Variants in KCNH7 observed in about 807,000 individuals in gnomAD.
The protein encoded by KCNH7 is potassium voltage-gated channel subfamily H member 7.
In KCNH7, 49 loss-of-function variants were observed where a neutral mutation model predicts 120.8. The ratio of observed to expected loss-of-function variants is 0.41; its 90% confidence interval spans 0.32 to 0.51. KCNH7 has a LOEUF of 0.51. Among genes scored for constraint, KCNH7 ranks in the 20% least tolerant of loss-of-function variants. The pLI, the probability that KCNH7 is intolerant of heterozygous loss-of-function variation, is 0.38. For missense variants in KCNH7, 1,097 were observed against 1,446.6 expected (o/e 0.76, Z 3.92); for synonymous variants, 547 against 516.1 (o/e 1.06, Z -0.81).
chr2:162,729,200 C>G (rs1459012276), intron 2 of KCNH7, among the ~76,000 whole-genome samples: 6 of 138,314 alleles, frequency 4.3e-5, no homozygotes, highest in Non-Finnish European at 9.1e-5. Context: ...GAGTCTCGCT[C>G]TCTCGCCCAG....
intron 2 of KCNH7, among the ~76,000 whole-genome samples, chr2:162,548,469 AG>A (rs1323380759): frequency 6.6e-6 from 1 of 152,148 alleles, no homozygotes; most frequent in African/African-American, 2.4e-5. Context: ...TACACATATT[AG>A]GCTTCAGGAC....
intron 2 of KCNH7, among the ~76,000 whole-genome samples, chr2:162,739,769 A>T (rs1386436044): frequency 6.6e-6 from 1 of 152,122 alleles, no homozygotes; most frequent in East Asian, 1.9e-4. Flanking sequence ...CTCCTATCTG[A>T]TTCTACTATG....
intron 2 of KCNH7, among the ~76,000 whole-genome samples, chr2:162,793,756 A>G (rs1684039716): frequency 6.6e-6 from 1 of 151,972 alleles, no homozygotes; most frequent in East Asian, 1.9e-4. Context: ...TGTTGGTCAA[A>G]TGGTAGAAAG....
intron 5 of KCNH7, among the ~76,000 whole-genome samples, chr2:162,510,365 C>G (rs1691029366): frequency 1.3e-5 from 2 of 151,534 alleles, no homozygotes; most frequent in South Asian, 4.1e-4. Flanking sequence ...CAGCTAGTAT[C>G]TCTGTCCAGT....
rs534754903 is a variant in KCNH7, at chr2:162,554,990, G to C, written c.308-17910C>G. On this transcript the variant is annotated intron_variant, in intron 2 of 15. Coordinates refer to ENST00000332142, the MANE Select transcript of KCNH7 (RefSeq NM_033272.4). The stretch of plus-strand genomic sequence containing the variant: ...ATATGATGACACTGACAAATCAAAA[G>C]CTTCTGTTAACACATCTATATGTAT... Among the ~76,000 whole-genome samples the C allele has an allele frequency of 5.3e-5, 8 of 152,222 alleles. No individual in the cohort carries two copies. In the South Asian group the frequency reaches 1.7e-3, roughly 32 times the overall value.
In KCNH7 at chr2:162,736,571, T is replaced by C. The variant is rs569678227; in HGVS notation, c.307+99966A>G. Among the ~76,000 whole-genome samples, 8 of 152,320 alleles carry C rather than the reference T, an allele frequency of 5.3e-5. No individual in the cohort carries two copies. In the East Asian group the frequency reaches 1.5e-3, roughly 29 times the overall value. ...AATTACCCCAAAGGTAAATGATTCATTGTGGCTAAGGGACATTCATACAGC... is the reference window on the plus strand; with the variant it reads ...AATTACCCCAAAGGTAAATGATTCACTGTGGCTAAGGGACATTCATACAGC... On this transcript the variant is annotated intron_variant, in intron 2 of 15. Coordinates refer to ENST00000332142, the MANE Select transcript of KCNH7 (RefSeq NM_033272.4).
intron 2 of KCNH7, among the ~76,000 whole-genome samples, chr2:162,656,021 C>T (rs189483119): frequency 6.6e-6 from 1 of 152,242 alleles, no homozygotes; most frequent in East Asian, 1.9e-4. Context: ...CTATGTACAT[C>T]TACAATCACT....
chr2:162,761,060 C>T (rs1428263487), intron 2 of KCNH7, among the ~76,000 whole-genome samples: 1 of 152,060 alleles, frequency 6.6e-6, no homozygotes, highest in Non-Finnish European at 1.5e-5. Flanking sequence ...CAAAAATAAG[C>T]TTGTTTTTAT....
chr2:162,660,344 A>G (rs1476608961), intron 2 of KCNH7, among the ~76,000 whole-genome samples: 2 of 152,120 alleles, frequency 1.3e-5, no homozygotes, highest in Non-Finnish European at 2.9e-5. Flanking sequence ...TTTAGTTCAA[A>G]GTCTTTTTAA....
chr2:162,815,094 T>C (rs1383190393), intron 2 of KCNH7, among the ~76,000 whole-genome samples: 3 of 152,304 alleles, frequency 2.0e-5, no homozygotes, highest in African/African-American at 4.8e-5. Flanking sequence ...CCAAGAGTCA[T>C]ATTTTTTTCA....
intron 6 of KCNH7, among the ~76,000 whole-genome samples, chr2:162,481,583 T>TA (rs962443277): frequency 1.3e-5 from 2 of 152,000 alleles, no homozygotes; most frequent in Admixed American, 6.6e-5. Flanking sequence ...TCCTCATCAG[T>TA]AAAAAAACGA....
At chr2:162,820,209 TTGTGTGTGTGTGTGTGTG>T (rs71410049) in intron 2 of KCNH7, among the ~76,000 whole-genome samples, 2 of 99,682 alleles carry the variant, frequency 2.0e-5, no homozygotes, top group African/African-American at 3.7e-5. Context: ...CCGGCTAATT[TTGTGTGTGTGTGTGTGTG>T]TGTGTGTGTG....
At chr2:162,775,763 T>A (rs1683211872) in intron 2 of KCNH7, among the ~76,000 whole-genome samples, 1 of 152,186 alleles carries the variant, frequency 6.6e-6, no homozygotes, top group Admixed American at 6.5e-5. Context: ...TACAAAATGC[T>A]AAAATATCCA....
At chr2:162,631,234 C>A (rs766448596) in intron 2 of KCNH7, among the ~76,000 whole-genome samples, 2 of 152,114 alleles carry the variant, frequency 1.3e-5, no homozygotes, top group African/African-American at 4.8e-5. Flanking sequence ...AGATGAGATG[C>A]TTGCCCTGTA....
intron 6 of KCNH7, among the ~76,000 whole-genome samples, chr2:162,496,040 AG>A (rs1450151308): frequency 6.6e-6 from 1 of 152,152 alleles, no homozygotes; most frequent in Non-Finnish European, 1.5e-5. Context: ...TCTTGCTAAA[AG>A]GCCATTAAAC....
intron 12 of KCNH7, among the ~76,000 whole-genome samples, chr2:162,389,744 CT>C (rs1481957474): frequency 1.3e-5 from 2 of 152,032 alleles, no homozygotes; most frequent in Non-Finnish European, 2.9e-5. Flanking sequence ...TCCAGGTCCT[CT>C]TTTTTCTACT....
chr2:162,580,449 G>C (rs970695262), intron 2 of KCNH7, among the ~76,000 whole-genome samples: 1 of 152,012 alleles, frequency 6.6e-6, no homozygotes, highest in Non-Finnish European at 1.5e-5. Flanking sequence ...AATATGAACA[G>C]GGGAGGCTTC....
intron 2 of KCNH7, among the ~76,000 whole-genome samples, chr2:162,763,984 G>GT (rs916407523): frequency 4.0e-5 from 6 of 151,620 alleles, no homozygotes; most frequent in African/African-American, 7.3e-5. Context: ...GTTTGTGAGG[G>GT]TTTTTTTTCC....
At chr2:162,389,654 A>G (rs1256392405) in intron 12 of KCNH7, among the ~76,000 whole-genome samples, 2 of 152,070 alleles carry the variant, frequency 1.3e-5, no homozygotes, top group Non-Finnish European at 2.9e-5. Context: ...CTTAAAATGT[A>G]TAATATCAGC....
Sources: allele counts gnomAD v4.1 joint callset (sites outside exome capture counted in the v4.1 genomes callset), GRCh38; gene constraint gnomAD v4.1.1; transcripts MANE v1.5; gene names NCBI Gene and HGNC (gene_info 2026-07-23, HGNC 2026-07-21).